RAPGEF4: variants seen among roughly 807,000 people sequenced by gnomAD.
RAPGEF4 encodes the protein RAP guanine-nucleotide-exchange factor (GEF) 4.
In RAPGEF4, 66 loss-of-function variants were observed where a neutral mutation model predicts 147.9. The observed-to-expected ratio is 0.45, with a 90% CI of 0.37 to 0.55. RAPGEF4 has a LOEUF of 0.55. Ranked by LOEUF, RAPGEF4 falls within the 20% of genes least tolerant of loss-of-function variation. The pLI is 0.00. For missense variants in RAPGEF4, 1,071 were observed against 1,257.3 expected (o/e 0.85, Z 2.24); for synonymous variants, 419 against 442.7 (o/e 0.95, Z 0.67).
At chr2:172,814,555 A>T in intron 4 of RAPGEF4, 130 bp downstream of exon 4, 1 of 1,203,826 alleles carries the variant, frequency 8.3e-7, no homozygotes, top group Non-Finnish European at 1.2e-6. Context: ...TTTAATTTTC[A>T]AAACTTGTTT....
rs1242605865 is a variant in RAPGEF4, at chr2:172,819,461, C to CTTTTTTTTTT, written c.444+5049_444+5058dup. On this transcript the variant is annotated intron_variant, in intron 4 of 30. Transcript: ENST00000397081. ...AAGTCTTAGAATACCATTTTTAGTT[C>CTTTTTTTTTT]TTTTTTTTTTTTTTTTTTTTTTGAG... is the stretch of plus-strand genomic sequence containing the variant. 5.7e-3 allele frequency among the ~76,000 whole-genome samples: 498 copies of CTTTTTTTTTT among 87,010 alleles called. 58 individuals are homozygous for CTTTTTTTTTT. The highest frequency in any genetic ancestry group is 0.01 in the South Asian group (20 of 1,950). The allele number at this position is 87,010 out of a possible 152,430, so 57.1% of individuals were successfully genotyped here.
rs542251946 is a variant in RAPGEF4, at chr2:172,980,530, G to C, written c.1005-2966G>C. Among the ~76,000 whole-genome samples the C allele has an allele frequency of 7.2e-5, 11 of 152,302 alleles. No homozygotes were observed. The South Asian group carries it at 2.1e-3, about 29-fold the overall frequency. ...TCAATAAAGCAGGAAGGGAGCCAAG[G>C]GGGAGGAGCATGGGGAGAGGAGAGA... On this transcript the variant is annotated intron_variant, in intron 10 of 30. Coordinates refer to ENST00000397081, the MANE Select transcript of RAPGEF4 (RefSeq NM_007023.4).
At chr2:172,842,901 G>A (rs1017493956) in intron 4 of RAPGEF4, among the ~76,000 whole-genome samples, 6 of 152,326 alleles carry the variant, frequency 3.9e-5, no homozygotes, top group African/African-American at 7.2e-5. Flanking sequence ...CCCACAGGCC[G>A]TGGAATGATA....
intron 15 of RAPGEF4, among the ~76,000 whole-genome samples, chr2:172,996,095 C>T (rs1007553422): frequency 6.6e-6 from 1 of 152,152 alleles, no homozygotes; most frequent in Non-Finnish European, 1.5e-5. Context: ...CTCTCACTTC[C>T]CCTCACCAGC....
intron 1 of RAPGEF4, among the ~76,000 whole-genome samples, chr2:172,753,754 G>A (rs1695510396): frequency 6.6e-6 from 1 of 151,892 alleles, no homozygotes; most frequent in Non-Finnish European, 1.5e-5. Context: ...AGATATCTGA[G>A]ACAGCACTAT....
At chr2:173,004,444 A>G (rs916321720) in intron 17 of RAPGEF4, among the ~76,000 whole-genome samples, 1 of 152,190 alleles carries the variant, frequency 6.6e-6, no homozygotes, top group Admixed American at 6.5e-5. Context: ...CCACCTGTAT[A>G]TAACCCTATA....
At chr2:172,940,357 G>A (rs1018164152) in intron 6 of RAPGEF4, among the ~76,000 whole-genome samples, 13 of 152,092 alleles carry the variant, frequency 8.5e-5, no homozygotes, top group African/African-American at 2.7e-4. Context: ...TAATCCCAAT[G>A]CTGGAGGTGA....
chr2:172,931,172 T>TCGGGGGGGGG (rs112366465), intron 6 of RAPGEF4, among the ~76,000 whole-genome samples: 1 of 6,378 alleles, frequency 1.6e-4, no homozygotes, highest in African/African-American at 3.1e-4. Flanking sequence ...CAGGCCGGGG[T>TCGGGGGGGGG]GGGGGGGGGG....
chr2:172,960,384 C>A (rs1336706045), intron 6 of RAPGEF4, among the ~76,000 whole-genome samples: 1 of 152,202 alleles, frequency 6.6e-6, no homozygotes, highest in Non-Finnish European at 1.5e-5. Flanking sequence ...TTTCTTCCCA[C>A]CCCTGGAGAC....
intron 4 of RAPGEF4, among the ~76,000 whole-genome samples, chr2:172,841,771 A>G (rs900866533): frequency 6.8e-6 from 1 of 147,686 alleles, no homozygotes; most frequent in African/African-American, 2.5e-5. Flanking sequence ...CAGACATCCA[A>G]ATCTACATGT....
intron 10 of RAPGEF4, among the ~76,000 whole-genome samples, chr2:172,967,940 A>T (rs1056604335): frequency 1.3e-5 from 2 of 152,076 alleles, no homozygotes; most frequent in South Asian, 2.1e-4. Flanking sequence ...CCACAACTGC[A>T]TTACCCCTGT....
chr2:172,875,507 C>A (rs1695806305), intron 4 of RAPGEF4, among the ~76,000 whole-genome samples: 1 of 152,112 alleles, frequency 6.6e-6, no homozygotes, highest in South Asian at 2.1e-4. Flanking sequence ...AATAGGGAAT[C>A]CTTTCCCTAT....
At chr2:172,963,948 G>T (rs1689562774) in intron 8 of RAPGEF4, among the ~76,000 whole-genome samples, 1 of 152,144 alleles carries the variant, frequency 6.6e-6, no homozygotes, top group Non-Finnish European at 1.5e-5. Flanking sequence ...GTGTGTCTTT[G>T]TTCAGTATTC....
intron 29 of RAPGEF4, among the ~76,000 whole-genome samples, chr2:173,044,361 A>G (rs1385632951): frequency 6.6e-6 from 1 of 152,202 alleles, no homozygotes; most frequent in South Asian, 2.1e-4. Flanking sequence ...CTACATCAGC[A>G]GGGTGGTGAC....
chr2:172,845,782 C>T (rs1272381248), intron 4 of RAPGEF4, among the ~76,000 whole-genome samples: 2 of 152,164 alleles, frequency 1.3e-5, no homozygotes, highest in African/African-American at 4.8e-5. Flanking sequence ...TCACTACTGT[C>T]TAGTTTCAGA....
At chr2:172,918,868 A>G (rs1380577336) in intron 5 of RAPGEF4, among the ~76,000 whole-genome samples, 2 of 152,076 alleles carry the variant, frequency 1.3e-5, no homozygotes, top group Non-Finnish European at 2.9e-5. Flanking sequence ...CTCTTCCTGG[A>G]TCCTAGAATT....
intron 1 of RAPGEF4, among the ~76,000 whole-genome samples, chr2:172,762,196 A>G (rs1696414918): frequency 6.6e-6 from 1 of 152,168 alleles, no homozygotes; most frequent in African/African-American, 2.4e-5. Flanking sequence ...CCTCAATAAT[A>G]TTCTTAAATT....
chr2:172,864,405 A>G (rs978272106), intron 4 of RAPGEF4, among the ~76,000 whole-genome samples: 7 of 152,186 alleles, frequency 4.6e-5, no homozygotes, highest in African/African-American at 1.7e-4. Context: ...ATCAGCCACC[A>G]GGGGGTGCTT....
intron 4 of RAPGEF4, among the ~76,000 whole-genome samples, chr2:172,815,721 A>G (rs1688440688): frequency 6.6e-6 from 1 of 152,170 alleles, no homozygotes; most frequent in Admixed American, 6.5e-5. Flanking sequence ...CATTATAACC[A>G]CTTTTGTCTC....
Sources: gnomAD v4.1 joint callset for allele counts (sites outside exome capture counted in the v4.1 genomes callset) on GRCh38, gnomAD v4.1.1 for gene constraint, MANE v1.5 for transcripts, NCBI Gene and HGNC (gene_info 2026-07-23, HGNC 2026-07-21) for gene names.